Variants in CLHC1 observed in about 807,000 individuals in gnomAD.
CLHC1 encodes the protein clathrin heavy chain linker domain-containing protein 1.
Under a neutral mutation model 69.5 loss-of-function variants are expected in CLHC1, and 72 were observed. The ratio of observed to expected loss-of-function variants is 1.04; its 90% confidence interval spans 0.86 to 1.26. The LOEUF (loss-of-function observed/expected upper bound fraction) is 1.26, where lower values mean the gene tolerates loss of function less well. Ranked by LOEUF, CLHC1 falls within the 50% of genes most tolerant of loss-of-function variation. CLHC1 has a pLI of 0.00. For synonymous variants in CLHC1, 223 were observed against 224.3 expected (o/e 0.99, Z 0.05); for missense variants, 790 against 679.3 (o/e 1.16, Z -1.81).
At position 55,191,574 on chromosome 2, in the gene CLHC1, G is replaced by T. The variant is rs369756238; in HGVS notation, c.1007-9830C>A. ...CACAAAGAAATGAAGAATAGATACG[G>T]TATATGCTATGAATGTAAGTATTTA... On this transcript the variant is annotated intron_variant, in intron 9 of 12. Transcript: ENST00000401408. Among the ~76,000 whole-genome samples, 165 of 152,132 alleles carry T rather than the reference G, an allele frequency of 1.1e-3. 2 individuals carry two copies. The Middle Eastern group carries it at 0.017, about 16-fold the overall frequency.
intron 2 of CLHC1, chr2:55,224,372 T>TC (rs1356777475): frequency 2.3e-6 from 1 of 440,144 alleles, no homozygotes. Context: ...GGGCAGAAGC[T>TC]CCCCCGACAC....
intron 2 of CLHC1, chr2:55,224,858 C>A: frequency 4.0e-6 from 1 of 251,480 alleles, no homozygotes; most frequent in Non-Finnish European, 8.5e-6. Flanking sequence ...GCAGCCGGGG[C>A]TGGGTCAACT....
chr2:55,209,431 G>T lies in CLHC1; in HGVS notation c.787C>A (p.Gln263Lys). ...TGTAAATATTTGGTTTTCTGAATTT[G>T]CTCCACAAAGTCTTGAAATGGGCTG... ...MSSPFQDFVE[Q>K]IQKTKYLQGD... The change falls in exon 7 of 13, where the codon CAA becomes AAA. Residue 263 changes from glutamine to lysine, a missense_variant. Coordinates refer to ENST00000401408, the MANE Select transcript of CLHC1 (RefSeq NM_152385.4). 1 of 1,605,044 alleles carries T rather than the reference G, an allele frequency of 6.2e-7. No individual in the cohort carries two copies. The highest frequency in any genetic ancestry group is 8.5e-7 in the Non-Finnish European group (1 of 1,176,428).
At chr2:55,190,805 CA>C (rs1459635837) in intron 9 of CLHC1, among the ~76,000 whole-genome samples, 1 of 152,020 alleles carries the variant, frequency 6.6e-6, no homozygotes, top group Admixed American at 6.6e-5. Flanking sequence ...GGGGCAGAAA[CA>C]TATTTGAAAA....
rs775615812 is a variant in CLHC1 at position 55,222,322 on chromosome 2, G to C, written c.90C>G (p.Tyr30Ter). ...DKEFLESVQRYIITETERLGC... is the reference protein window; with the variant it reads ...DKEFLESVQR ...CCAGTCTTTCAGTTTCTGTAATTAT[G>C]TATCTTTGCACACTTTCCAAAAATT... The change falls in exon 3 of 13, where the codon TAC becomes TAG. Residue 30 changes from tyrosine (Y) to a stop codon, truncating the protein, a stop_gained. Coordinates refer to ENST00000401408, the MANE Select transcript of CLHC1 (RefSeq NM_152385.4). LOFTEE classifies it high-confidence loss of function. The C allele has an allele frequency of 3.7e-6, 6 of 1,613,202 alleles. No homozygotes were observed. The highest frequency in any genetic ancestry group is 5.1e-6 in the Non-Finnish European group (6 of 1,179,284).
chr2:55,204,852 T>C (rs1672288759), intron 9 of CLHC1, among the ~76,000 whole-genome samples: 1 of 152,190 alleles, frequency 6.6e-6, no homozygotes, highest in Non-Finnish European at 1.5e-5. Context: ...ACTTCACATG[T>C]TCTCACTTGT....
chr2:55,197,924 G>A (rs1487277995), intron 9 of CLHC1, among the ~76,000 whole-genome samples: 1 of 152,128 alleles, frequency 6.6e-6, no homozygotes, highest in African/African-American at 2.4e-5. Context: ...CAAAATAGCT[G>A]TTTTGAGGAA....
At chr2:55,220,474 T>C (rs974410731) in intron 3 of CLHC1, among the ~76,000 whole-genome samples, 1 of 152,200 alleles carries the variant, frequency 6.6e-6, no homozygotes, top group Non-Finnish European at 1.5e-5. Context: ...CAGAATTCTT[T>C]ACAAGGTAAA....
intron 2 of CLHC1, among the ~76,000 whole-genome samples, chr2:55,223,747 G>C (rs1674405568): frequency 6.6e-6 from 1 of 152,024 alleles, no homozygotes; most frequent in African/African-American, 2.4e-5. Flanking sequence ...ACGCCCCGGT[G>C]TTCAGAAGAG....
At chr2:55,218,709 T>C (rs772316475) in intron 3 of CLHC1, 1 of 152,224 alleles carries the variant, frequency 6.6e-6, no homozygotes, top group African/African-American at 2.4e-5. Flanking sequence ...GTTAATCTTA[T>C]ATATGCATTA....
rs1280963354 is a variant in CLHC1, at chr2:55,174,067, C to T, written c.*1723G>A. On this transcript the variant is annotated 3_prime_UTR_variant, in exon 13 of 13. Coordinates refer to ENST00000401408, the MANE Select transcript of CLHC1 (RefSeq NM_152385.4). Reference sequence around the variant, plus strand: ...TTGGCACACAAAGAACCAGTGCTGCCGAAATACCTCTCCCTTTCCATTCCT... The same window carrying T: ...TTGGCACACAAAGAACCAGTGCTGCTGAAATACCTCTCCCTTTCCATTCCT... 6.6e-6 allele frequency among the ~76,000 whole-genome samples: 1 copy of T among 151,214 alleles called. No individual in the cohort carries two copies. Among genetic ancestry groups the T allele is most frequent in the Non-Finnish European group, 1.5e-5 (1 of 67,946 alleles).
Position 55,175,780 on chromosome 2 carries a change from A to C in CLHC1, c.*10T>G, listed in dbSNP as rs1015219472. On this transcript the variant is annotated 3_prime_UTR_variant, in exon 13 of 13. Transcript: ENST00000401408. ...TTGTACAAGCTCCCTCAGCTGGTTA[A>C]GATATAGAACTACCAAAACACATGT... The C allele has an allele frequency of 6.2e-6, 10 of 1,609,086 alleles. No individual in the cohort carries two copies. The Admixed American group carries it at 1.5e-4, about 24-fold the overall frequency.
At chr2:55,181,783 AG>A in intron 9 of CLHC1, 39 bp from the exon 10 acceptor site, 1 of 1,538,332 alleles carries the variant, frequency 6.5e-7, no homozygotes, top group Non-Finnish European at 8.9e-7. Context: ...AAATACTTTA[AG>A]AAATAGTTTG....
chr2:55,175,226 T>C lies in CLHC1; in HGVS notation c.*564A>G, dbSNP rs1341843822. The C allele has an allele frequency of 6.6e-6, 1 of 152,268 alleles. No homozygotes were observed. The highest frequency in any genetic ancestry group is 2.4e-5 in the African/African-American group (1 of 41,430). 9.4% of individuals were successfully genotyped at this position (152,268 alleles called of 1,614,324 possible). A position where few individuals can be genotyped will look rare whatever the true frequency, so the allele number is the denominator to read the frequency against. On this transcript the variant is annotated 3_prime_UTR_variant, in exon 13 of 13. Transcript: ENST00000401408. ...TTCGACTGGTCTTCTCTCTAAGTAA[T>C]AACATGCCAAGAGTCCCAGCTTTTA... is the stretch of plus-strand genomic sequence containing the variant.
Position 55,178,906 on chromosome 2 carries a change from AT to A in CLHC1, c.1385-1126del, listed in dbSNP as rs1573582220. On this transcript the variant is annotated intron_variant, in intron 11 of 12. Coordinates refer to ENST00000401408, the MANE Select transcript of CLHC1 (RefSeq NM_152385.4). ...CTTACTACATTTCAAAATCCATTTT[AT>A]TTTTTAAAAAATTATTATTATTATT... is the stretch of plus-strand genomic sequence containing the variant. 6.4e-5 allele frequency among the ~76,000 whole-genome samples: 9 copies of A among 140,248 alleles called. 1 individual carries two copies. In the East Asian group the frequency reaches 1.8e-3, roughly 29 times the overall value. 92.0% of individuals were successfully genotyped at this position (140,248 alleles called of 152,430 possible).
intron 9 of CLHC1, among the ~76,000 whole-genome samples, chr2:55,196,149 G>C (rs990810789): frequency 6.6e-6 from 1 of 152,164 alleles, no homozygotes; most frequent in Non-Finnish European, 1.5e-5. Flanking sequence ...ACCAGCCCTA[G>C]CCAGAAGAGA....
chr2:55,200,793 A>C (rs1671877309), intron 9 of CLHC1, among the ~76,000 whole-genome samples: 1 of 152,248 alleles, frequency 6.6e-6, no homozygotes, highest in South Asian at 2.1e-4. Flanking sequence ...CAAAGCAAGT[A>C]TTAAAACATT....
At chr2:55,216,587 G>A (rs1673533852) in intron 4 of CLHC1, among the ~76,000 whole-genome samples, 1 of 151,742 alleles carries the variant, frequency 6.6e-6, no homozygotes, top group South Asian at 2.1e-4. Flanking sequence ...CCAGGCTGGA[G>A]TGCAGTGGCG....
At chr2:55,230,789 A>G (rs1158860850) in intron 1 of CLHC1, among the ~76,000 whole-genome samples, 3 of 152,214 alleles carry the variant, frequency 2.0e-5, no homozygotes, top group Non-Finnish European at 2.9e-5. Flanking sequence ...ATTTAGCAAC[A>G]TGGAGGTCAT....
Sources: gnomAD v4.1 joint callset for allele counts (sites outside exome capture counted in the v4.1 genomes callset) on GRCh38, gnomAD v4.1.1 for gene constraint, MANE v1.5 for transcripts, NCBI Gene and HGNC (gene_info 2026-07-23, HGNC 2026-07-21) for gene names.